The following USP25 variants were observed in gnomAD, a reference collection of about 807,000 sequenced individuals.
The protein encoded by USP25 is ubiquitin carboxyl-terminal hydrolase 25.
Under a neutral mutation model 158.5 loss-of-function variants are expected in USP25, and 85 were observed. The ratio of observed to expected loss-of-function variants is 0.54; its 90% CI spans 0.45 to 0.64. The LOEUF (loss-of-function observed/expected upper bound fraction) is 0.64, where lower values mean the gene tolerates loss of function less well. Among genes scored for constraint, USP25 ranks in the 30% least tolerant of loss-of-function variants. The probability of loss-of-function intolerance (pLI) is 0.00; values close to 1 mark genes in which losing one functional copy is unlikely to be tolerated. For synonymous variants in USP25, 464 were observed against 460.4 expected (o/e 1.01, Z -0.10); for missense variants, 1,242 against 1,327.3 (o/e 0.94, Z 1.00).
At chr21:15,800,703 G>A (rs77563426) in intron 6 of USP25, among the ~76,000 whole-genome samples, 11,500 of 151,506 alleles carry the variant, frequency 0.076, 499 homozygotes, top group East Asian at 0.092. Flanking sequence ...CAAGGCAAGG[G>A]AGTTAGTTTT....
chr21:15,849,830 G>T lies in USP25; in HGVS notation c.2505G>T (p.Arg835Ser). 2 of 1,544,264 alleles carry T rather than the reference G, an allele frequency of 1.3e-6. No individual in the cohort carries two copies. The highest frequency in any genetic ancestry group is 2.4e-5 in the South Asian group (2 of 82,854). The stretch of plus-strand genomic sequence containing the variant: ...TTATCATGGCGATAGGTAAATCCAG[G>T]AGTGTATATGACAGGTGTGGCCCTG... ...QGIIMAIGKSRSVYDRCGPEA... is the reference protein window; with the variant it reads ...QGIIMAIGKSSSVYDRCGPEA... Residue 835 changes from arginine to serine, a missense_variant, in exon 20 of 26, where the codon AGG becomes AGT. Coordinates refer to ENST00000400183, the MANE Select transcript of USP25 (RefSeq NM_001283041.3).
At chr21:15,783,988 A>G (rs1219336278) in intron 4 of USP25, among the ~76,000 whole-genome samples, 1 of 152,160 alleles carries the variant, frequency 6.6e-6, no homozygotes, top group African/African-American at 2.4e-5. Flanking sequence ...TAAAGAAAAG[A>G]AAAAGAAATA....
chr21:15,858,780 G>A (rs1210376475), intron 20 of USP25, among the ~76,000 whole-genome samples: 1 of 151,980 alleles, frequency 6.6e-6, no homozygotes, highest in African/African-American at 2.4e-5. Context: ...TGTAGTTTTG[G>A]TTCCGCTTTA....
chr21:15,800,551 A>G (rs1009982280), intron 6 of USP25, among the ~76,000 whole-genome samples: 3 of 150,876 alleles, frequency 2.0e-5, no homozygotes, highest in African/African-American at 7.3e-5. Flanking sequence ...AAAAAAAAAG[A>G]CTTATTTTAA....
intron 4 of USP25, among the ~76,000 whole-genome samples, chr21:15,779,859 A>T (rs1271748746): frequency 6.6e-6 from 1 of 152,122 alleles, no homozygotes; most frequent in African/African-American, 2.4e-5. Flanking sequence ...GAAGTAAAAG[A>T]GTCATATTAA....
At chr21:15,867,649 GAAC>G in intron 22 of USP25, among the ~76,000 whole-genome samples, 1 of 152,140 alleles carries the variant, frequency 6.6e-6, no homozygotes, top group East Asian at 1.9e-4. Context: ...TGATGTATTA[GAAC>G]TAGTAAGACA....
chr21:15,798,048 T>C (rs935245757), intron 5 of USP25, among the ~76,000 whole-genome samples: 4 of 151,266 alleles, frequency 2.6e-5, no homozygotes, highest in Admixed American at 1.3e-4. Flanking sequence ...GATTTTGGAA[T>C]GTATCCTTTT....
intron 3 of USP25, among the ~76,000 whole-genome samples, chr21:15,769,578 T>G (rs1056021873): frequency 6.6e-6 from 1 of 152,098 alleles, no homozygotes; most frequent in African/African-American, 2.4e-5. Context: ...AAAACACAAA[T>G]GAAAATGAGA....
At chr21:15,869,579 T>G (rs899400942) in intron 22 of USP25, among the ~76,000 whole-genome samples, 1 of 152,166 alleles carries the variant, frequency 6.6e-6, no homozygotes, top group African/African-American at 2.4e-5. Context: ...GCCTACACAC[T>G]TAAAGTCAAA....
intron 18 of USP25, 22 bp downstream of exon 18, chr21:15,842,562 C>T: frequency 6.2e-7 from 1 of 1,611,492 alleles, no homozygotes; most frequent in Non-Finnish European, 8.5e-7. Context: ...TCTTTTGGCT[C>T]TCTGAACATA....
intron 1 of USP25, 150 bp downstream of exon 1, chr21:15,730,588 G>C: frequency 1.0e-6 from 1 of 970,500 alleles, no homozygotes. Context: ...CCTCGGGGGC[G>C]TCGCGCCCAG....
intron 4 of USP25, among the ~76,000 whole-genome samples, chr21:15,788,011 C>G (rs1014007873): frequency 3.4e-5 from 5 of 148,492 alleles, no homozygotes; most frequent in Non-Finnish European, 7.4e-5. Context: ...GGAAAAGACG[C>G]AGCAAAACAT....
At chr21:15,824,263 AT>A in intron 11 of USP25, 97 bp downstream of exon 11, 1 of 1,461,326 alleles carries the variant, frequency 6.8e-7, no homozygotes. Context: ...CTTAGAATTA[AT>A]TTCTACTTTT....
At chr21:15,782,490 C>G (rs2035022016) in intron 4 of USP25, among the ~76,000 whole-genome samples, 1 of 152,210 alleles carries the variant, frequency 6.6e-6, no homozygotes, top group South Asian at 2.1e-4. Flanking sequence ...TGCTGCCATT[C>G]AGGAGAGACA....
chr21:15,801,859 GAAAT>G (rs2036152685), intron 6 of USP25, among the ~76,000 whole-genome samples: 1 of 151,584 alleles, frequency 6.6e-6, no homozygotes, highest in South Asian at 2.1e-4. Context: ...AGATTTGAAA[GAAAT>G]CTAGTATTTG....
At chr21:15,760,693 A>C (rs1373411294) in intron 1 of USP25, among the ~76,000 whole-genome samples, 1 of 152,226 alleles carries the variant, frequency 6.6e-6, no homozygotes. Context: ...GAACATTTTA[A>C]AACTTTTTAT....
Position 15,877,939 on chromosome 21 carries a change from T to A in USP25, c.3153T>A (p.Ala1051=). 1.2e-6 allele frequency: 2 copies of A among 1,613,446 alleles called. No homozygotes were observed. Among genetic ancestry groups the A allele is most frequent in the South Asian group, 1.1e-5 (1 of 91,010 alleles). ...VDEMEEKDIL[A]VEDMRNRWCS... is the part of the protein sequence containing the mutation. ...AAATGGAAGAAAAGGATATACTAGC[T>A]GTAGAAGATATGAGAAATCGATGGT... Residue 1051 remains alanine, a synonymous_variant, in exon 25 of 26, where the codon GCT becomes GCA. Transcript: ENST00000400183.
chr21:15,801,715 A>G (rs977275848), intron 6 of USP25, among the ~76,000 whole-genome samples: 5 of 151,580 alleles, frequency 3.3e-5, no homozygotes, highest in Admixed American at 3.3e-4. Flanking sequence ...TTCAATTTGA[A>G]CACTTTGTCT....
At chr21:15,866,774 C>G (rs1197236608) in intron 22 of USP25, among the ~76,000 whole-genome samples, 2 of 152,064 alleles carry the variant, frequency 1.3e-5, no homozygotes, top group Non-Finnish European at 2.9e-5. Context: ...TGATTTAATT[C>G]AGACAGTAAC....
Sources: gnomAD v4.1 joint callset for allele counts (sites outside exome capture counted in the v4.1 genomes callset) on GRCh38, gnomAD v4.1.1 for gene constraint, MANE v1.5 for transcripts, NCBI Gene and HGNC (gene_info 2026-07-23, HGNC 2026-07-21) for gene names.